The following CABLES1 variants were observed in gnomAD, a reference collection of about 807,000 sequenced individuals.
CABLES1 encodes CDK5 and ABL1 enzyme substrate 1.
Under a neutral mutation model 57.8 loss-of-function variants are expected in CABLES1, and 36 were observed. That is an observed-to-expected ratio of 0.62 (90% CI 0.48 to 0.82). The LOEUF is 0.82. Ranked by LOEUF, CABLES1 falls within the 40% of genes least tolerant of loss-of-function variation. The probability of loss-of-function intolerance (pLI) is 0.00; values close to 1 mark genes in which losing one functional copy is unlikely to be tolerated. For synonymous variants in CABLES1, 374 were observed against 363.0 expected, an observed-to-expected ratio of 1.03 and a Z score of -0.35; for missense variants, 767 against 836.6, an observed-to-expected ratio of 0.92 and a Z score of 1.03.
At chr18:23,248,594 G>A (rs1043441615) in intron 7 of CABLES1, among the ~76,000 whole-genome samples, 7 of 148,318 alleles carry the variant, frequency 4.7e-5, no homozygotes, top group African/African-American at 7.5e-5. Flanking sequence ...TTGGGAGGCC[G>A]AGGCGGGTGG....
chr18:23,175,038 A>G (rs1045496000), intron 1 of CABLES1, among the ~76,000 whole-genome samples: 2 of 151,712 alleles, frequency 1.3e-5, no homozygotes, highest in African/African-American at 4.8e-5. Context: ...GGGCCTTGAC[A>G]TGTTTAAAAA....
chr18:23,255,564 T>A (rs1598891576), intron 9 of CABLES1, among the ~76,000 whole-genome samples: 1 of 150,708 alleles, frequency 6.6e-6, no homozygotes, highest in East Asian at 1.9e-4. Context: ...ATGATTTTTT[T>A]TTTTTTTTTT....
At chr18:23,189,988 A>G (rs1250040385) in intron 2 of CABLES1, among the ~76,000 whole-genome samples, 1 of 152,230 alleles carries the variant, frequency 6.6e-6, no homozygotes, top group East Asian at 1.9e-4. Context: ...GAATAGTCCC[A>G]TCTCCACTTT....
rs2048105692 is a variant in CABLES1 at position 23,254,068 on chromosome 18, G to A, written c.1761+132G>A. The stretch of plus-strand genomic sequence containing the variant: ...AGTCAGCAATTGAGGTGAAGGCTAT[G>A]AAGTCTTTCCCATAGTGGGAATAGT... On this transcript the variant is annotated intron_variant, in intron 9 of 9. Coordinates refer to ENST00000256925, the MANE Select transcript of CABLES1 (RefSeq NM_001100619.3). 4.1e-6 allele frequency: 3 copies of A among 725,224 alleles called. No individual in the cohort carries two copies. In the Admixed American group the frequency reaches 7.0e-5, roughly 17 times the overall value. The allele number at this position is 725,224 out of a possible 1,614,324, so 44.9% of individuals were successfully genotyped here.
At chr18:23,248,415 G>A (rs780052602) in intron 7 of CABLES1, among the ~76,000 whole-genome samples, 13 of 151,912 alleles carry the variant, frequency 8.6e-5, no homozygotes, top group South Asian at 2.1e-4. Context: ...GTGCAGGGGC[G>A]CAGGTCTGCA....
At chr18:23,238,322 A>G (rs2047655932) in intron 7 of CABLES1, among the ~76,000 whole-genome samples, 1 of 152,238 alleles carries the variant, frequency 6.6e-6, no homozygotes, top group Admixed American at 6.5e-5. Flanking sequence ...CTTGCCAGTT[A>G]CTTTCAGCAC....
At chr18:23,177,436 C>T (rs1411410886) in intron 1 of CABLES1, among the ~76,000 whole-genome samples, 1 of 151,080 alleles carries the variant, frequency 6.6e-6, no homozygotes, top group Non-Finnish European at 1.5e-5. Context: ...CACACACACA[C>T]ACACACACAC....
At chr18:23,175,309 AG>A (rs2047115317) in intron 1 of CABLES1, among the ~76,000 whole-genome samples, 1 of 152,120 alleles carries the variant, frequency 6.6e-6, no homozygotes. Context: ...ATTTGGTGTA[AG>A]GTTTAATTTG....
chr18:23,240,864 G>A (rs2047719161), intron 7 of CABLES1, among the ~76,000 whole-genome samples: 1 of 151,346 alleles, frequency 6.6e-6, no homozygotes, highest in Non-Finnish European at 1.5e-5. Flanking sequence ...CTCTCAAAGT[G>A]ATGAGCTAAT....
chr18:23,187,480 G>T (rs1287374937), intron 1 of CABLES1, among the ~76,000 whole-genome samples: 3 of 152,144 alleles, frequency 2.0e-5, no homozygotes, highest in Non-Finnish European at 4.4e-5. Context: ...TCTGCCTCCC[G>T]GGTTCACGCC....
At chr18:23,183,501 G>A (rs760235937) in intron 1 of CABLES1, among the ~76,000 whole-genome samples, 6 of 152,188 alleles carry the variant, frequency 3.9e-5, no homozygotes, top group Non-Finnish European at 5.9e-5. Flanking sequence ...AACAGGCGTG[G>A]GTGCTTTCAG....
intron 4 of CABLES1, among the ~76,000 whole-genome samples, chr18:23,228,235 C>T (rs1598841331): frequency 6.6e-6 from 1 of 152,154 alleles, no homozygotes; most frequent in South Asian, 2.1e-4. Flanking sequence ...CATTATGGCT[C>T]AGTGAGCAGC....
intron 1 of CABLES1, among the ~76,000 whole-genome samples, chr18:23,173,871 G>A (rs923066218): frequency 6.6e-6 from 1 of 152,322 alleles, no homozygotes; most frequent in Middle Eastern, 3.4e-3. Context: ...GCCAAGGTGG[G>A]AGGATCGCCT....
chr18:23,254,081 TAGTGGGAA>T lies in CABLES1; in HGVS notation c.1761+146_1761+153del. 4.5e-6 allele frequency: 3 copies of T among 670,270 alleles called. No homozygotes were observed. The South Asian group carries it at 5.5e-5, about 12-fold the overall frequency. 41.5% of individuals were successfully genotyped at this position (670,270 alleles called of 1,614,324 possible). ...GGTGAAGGCTATGAAGTCTTTCCCA[TAGTGGGAA>T]TAGTCAGGCTATCTTAAAACATAGG... On this transcript the variant is annotated intron_variant, in intron 9 of 9. Coordinates refer to ENST00000256925, the MANE Select transcript of CABLES1 (RefSeq NM_001100619.3).
chr18:23,257,340 C>A lies in CABLES1; in HGVS notation c.1875C>A (p.His625Gln), dbSNP rs562569128. Reference sequence around the variant, plus strand: ...TGCCCGAGCACGAAGTCATGCCCCACTACAGACGGCTGGTCCAGAGTTCCT... The same window carrying A: ...TGCCCGAGCACGAAGTCATGCCCCAATACAGACGGCTGGTCCAGAGTTCCT... Reference protein sequence around the residue: ...LHLPEHEVMPHYRRLVQSS With the variant: ...LHLPEHEVMPQYRRLVQSS The change falls in exon 10 of 10, where the codon CAC (histidine) becomes CAA (glutamine). Residue 625 changes from histidine to glutamine, a missense_variant. Transcript: ENST00000256925. The A allele has an allele frequency of 1.1e-5, 17 of 1,611,316 alleles. No homozygotes were observed. The South Asian group carries it at 1.9e-4, about 18-fold the overall frequency.
chr18:23,157,276 A>G (rs1172202177), intron 1 of CABLES1, among the ~76,000 whole-genome samples: 1 of 152,210 alleles, frequency 6.6e-6, no homozygotes, highest in Non-Finnish European at 1.5e-5. Context: ...CAGGTCGGCA[A>G]GTCTGCAAAT....
At chr18:23,156,928 G>A (rs1758532776) in intron 1 of CABLES1, among the ~76,000 whole-genome samples, 1 of 152,140 alleles carries the variant, frequency 6.6e-6, no homozygotes, top group Non-Finnish European at 1.5e-5. Context: ...CACTAAAAAT[G>A]CTAAGAAAAA....
intron 1 of CABLES1, among the ~76,000 whole-genome samples, chr18:23,152,610 G>A (rs1377154410): frequency 2.0e-5 from 3 of 149,870 alleles, no homozygotes; most frequent in Non-Finnish European, 4.4e-5. Flanking sequence ...TCAGCCTCCC[G>A]AGTAGCTGGG....
At chr18:23,206,867 G>A (rs1246456941) in intron 3 of CABLES1, among the ~76,000 whole-genome samples, 1 of 146,952 alleles carries the variant, frequency 6.8e-6, no homozygotes, top group Non-Finnish European at 1.5e-5. Flanking sequence ...CAGGAATACA[G>A]TGGCACAATC....
Sources: allele counts gnomAD v4.1 joint callset (sites outside exome capture counted in the v4.1 genomes callset), GRCh38; gene constraint gnomAD v4.1.1; transcripts MANE v1.5; gene names NCBI Gene and HGNC (gene_info 2026-07-23, HGNC 2026-07-21).